ARHGAP15: variants seen among roughly 807,000 people sequenced by gnomAD.
ARHGAP15 encodes the protein Rho GTPase activating protein 15.
Under a neutral mutation model 63.7 loss-of-function variants are expected in ARHGAP15, and 51 were observed. The observed-to-expected ratio is 0.80, with a 90% CI of 0.64 to 1.01. The LOEUF (loss-of-function observed/expected upper bound fraction) is 1.01, where lower values mean the gene tolerates loss of function less well. Among genes scored for constraint, ARHGAP15 ranks in the 50% least tolerant of loss-of-function variants. The pLI, the probability that ARHGAP15 is intolerant of heterozygous loss-of-function variation, is 0.00. For synonymous variants in ARHGAP15, 191 were observed against 193.8 expected, an observed-to-expected ratio of 0.99 and a Z score of 0.12; for missense variants, 560 against 564.6, an observed-to-expected ratio of 0.99 and a Z score of 0.08.
intron 11 of ARHGAP15, among the ~76,000 whole-genome samples, chr2:143,610,719 GTATTTATT>G (rs10568746): frequency 1.6e-4 from 24 of 150,642 alleles, no homozygotes; most frequent in African/African-American, 4.2e-4. Flanking sequence ...CTTGTTCAGT[GTATTTATT>G]TATTTATTTA....
chr2:143,686,048 C>T lies in ARHGAP15; in HGVS notation c.1139-17371C>T, dbSNP rs1426536813. Among the ~76,000 whole-genome samples the T allele has an allele frequency of 7.2e-5, 11 of 152,100 alleles. 1 individual carries two copies. The East Asian group carries it at 1.7e-3, about 24-fold the overall frequency. ...GAATATGTCTACCAGTGAAAAGGTC[C>T]ATTGCTTGATTGTATGAGAAAATAA... On this transcript the variant is annotated intron_variant, in intron 12 of 13. Coordinates refer to ENST00000295095, the MANE Select transcript of ARHGAP15 (RefSeq NM_018460.4).
At chr2:143,545,341 T>C (rs1695284833) in intron 10 of ARHGAP15, among the ~76,000 whole-genome samples, 1 of 152,196 alleles carries the variant, frequency 6.6e-6, no homozygotes, top group Non-Finnish European at 1.5e-5. Context: ...TGGTTGAATG[T>C]GTTCTAAATT....
chr2:143,581,209 C>T (rs568244494), intron 11 of ARHGAP15, among the ~76,000 whole-genome samples: 1 of 150,746 alleles, frequency 6.6e-6, no homozygotes, highest in African/African-American at 2.4e-5. Context: ...TGCCAAGTGA[C>T]ATTTGTCTCA....
chr2:143,712,228 G>A, intron 13 of ARHGAP15, among the ~76,000 whole-genome samples: 1 of 152,196 alleles, frequency 6.6e-6, no homozygotes, highest in East Asian at 1.9e-4. Flanking sequence ...CGAGAGGTTA[G>A]GAAGACGAAG....
At chr2:143,449,135 T>G (rs771684609) in intron 8 of ARHGAP15, among the ~76,000 whole-genome samples, 2 of 152,008 alleles carry the variant, frequency 1.3e-5, no homozygotes, top group Non-Finnish European at 2.9e-5. Flanking sequence ...CTTGTAACTT[T>G]TGCCTGTGCC....
chr2:143,650,496 C>T (rs1574772819), intron 12 of ARHGAP15, among the ~76,000 whole-genome samples: 1 of 151,984 alleles, frequency 6.6e-6, no homozygotes, highest in Non-Finnish European at 1.5e-5. Context: ...CAGTACCTTC[C>T]TCGGATGTTT....
At chr2:143,738,247 C>T (rs1286195026) in intron 13 of ARHGAP15, among the ~76,000 whole-genome samples, 2 of 140,694 alleles carry the variant, frequency 1.4e-5, no homozygotes, top group African/African-American at 4.9e-5. Context: ...ATCTGTGCCT[C>T]AGGAAGTTAA....
intron 6 of ARHGAP15, among the ~76,000 whole-genome samples, chr2:143,419,525 G>A (rs1422839998): frequency 6.6e-6 from 1 of 151,744 alleles, no homozygotes; most frequent in East Asian, 1.9e-4. Flanking sequence ...ATAACAAAAT[G>A]TTAGGAAGTC....
intron 8 of ARHGAP15, among the ~76,000 whole-genome samples, chr2:143,445,051 G>T (rs1387590751): frequency 2.6e-5 from 4 of 151,594 alleles, no homozygotes; most frequent in Non-Finnish European, 5.9e-5. Context: ...AAAGGTAGAG[G>T]ACTAGATAGG....
At position 143,560,590 on chromosome 2, in the gene ARHGAP15, A is replaced by C. The variant is rs1394468205; in HGVS notation, c.1003+4105A>C. On this transcript the variant is annotated intron_variant, in intron 11 of 13. Transcript: ENST00000295095. ...TTATCTCTTTATAAAAGCAGAGATT[A>C]GTCTTTTCATGCTACACACGCTCAT... is the stretch of plus-strand genomic sequence containing the variant. Among the ~76,000 whole-genome samples the C allele has an allele frequency of 2.6e-5, 4 of 152,248 alleles. No homozygotes were observed. In the East Asian group the frequency reaches 7.7e-4, roughly 29 times the overall value.
intron 6 of ARHGAP15, among the ~76,000 whole-genome samples, chr2:143,312,674 C>A (rs567993011): frequency 6.6e-6 from 1 of 152,064 alleles, no homozygotes; most frequent in Non-Finnish European, 1.5e-5. Context: ...GTTTTTGCTT[C>A]GCTAATTCAC....
intron 6 of ARHGAP15, among the ~76,000 whole-genome samples, chr2:143,273,534 C>T (rs1278091717): frequency 6.6e-6 from 1 of 152,048 alleles, no homozygotes; most frequent in Non-Finnish European, 1.5e-5. Flanking sequence ...AATGTTCAAC[C>T]TAACTCTAGT....
At chr2:143,613,181 TAAAC>T (rs1158548793) in intron 11 of ARHGAP15, among the ~76,000 whole-genome samples, 1 of 152,132 alleles carries the variant, frequency 6.6e-6, no homozygotes, top group African/African-American at 2.4e-5. Context: ...TTCTAAACAA[TAAAC>T]AAACCATCCA....
At chr2:143,666,264 G>T (rs913122352) in intron 12 of ARHGAP15, among the ~76,000 whole-genome samples, 1 of 145,454 alleles carries the variant, frequency 6.9e-6, no homozygotes, top group South Asian at 2.2e-4. Context: ...AAATAATGCC[G>T]CATGTCTACA....
chr2:143,522,181 T>C (rs914294697), intron 10 of ARHGAP15: 2 of 152,186 alleles, frequency 1.3e-5, no homozygotes, highest in African/African-American at 4.8e-5. Flanking sequence ...GTTTAGTATG[T>C]TTCCTTATCT....
intron 4 of ARHGAP15, among the ~76,000 whole-genome samples, chr2:143,218,084 A>G (rs2105147523): frequency 6.6e-6 from 1 of 152,174 alleles, no homozygotes; most frequent in East Asian, 1.9e-4. Context: ...ACTCACATGA[A>G]TATGTTTTTA....
chr2:143,172,030 A>G (rs1209800505), intron 2 of ARHGAP15: 1 of 151,818 alleles, frequency 6.6e-6, no homozygotes, highest in African/African-American at 2.4e-5. Context: ...TATCCTTAGC[A>G]TTTCAGCTAC....
At chr2:143,428,068 A>G (rs1395664304) in intron 6 of ARHGAP15, among the ~76,000 whole-genome samples, 1 of 152,112 alleles carries the variant, frequency 6.6e-6, no homozygotes, top group East Asian at 1.9e-4. Flanking sequence ...AAGACCAACA[A>G]GGCATTGCAA....
intron 8 of ARHGAP15, among the ~76,000 whole-genome samples, chr2:143,474,187 CT>C (rs1160618094): frequency 4.6e-5 from 7 of 152,178 alleles, no homozygotes; most frequent in African/African-American, 1.7e-4. Flanking sequence ...AAAAGGAAGA[CT>C]CAAAACCCCA....
Sources: allele counts gnomAD v4.1 joint callset (sites outside exome capture counted in the v4.1 genomes callset), GRCh38; gene constraint gnomAD v4.1.1; transcripts MANE v1.5; gene names NCBI Gene and HGNC (gene_info 2026-07-23, HGNC 2026-07-21).